Variants in CPNE4 observed in about 807,000 individuals in gnomAD.
CPNE4 encodes copine-4.
In CPNE4, 25 loss-of-function variants were observed where a neutral mutation model predicts 67.9. The observed-to-expected ratio is 0.37, with a 90% CI of 0.27 to 0.51. CPNE4 has a LOEUF of 0.51. Among genes scored for constraint, CPNE4 ranks in the 20% least tolerant of loss-of-function variants. CPNE4 has a pLI of 0.93. For synonymous variants in CPNE4, 242 were observed against 244.9 expected (o/e 0.99, Z 0.11); for missense variants, 464 against 690.8 (o/e 0.67, Z 3.68).
chr3:131,978,176 AAT>A (rs1196780381), intron 1 of CPNE4, among the ~76,000 whole-genome samples: 2 of 59,860 alleles, frequency 3.3e-5, no homozygotes, highest in South Asian at 4.1e-4. Flanking sequence ...TAAATATGTA[AAT>A]ATATATAATA....
chr3:131,797,645 A>T (rs939516372), intron 2 of CPNE4, among the ~76,000 whole-genome samples: 4 of 152,182 alleles, frequency 2.6e-5, no homozygotes, highest in Non-Finnish European at 5.9e-5. Flanking sequence ...ATAGATACAC[A>T]AGGCTGGGTT....
At chr3:131,900,020 G>T (rs1282082401) in intron 2 of CPNE4, among the ~76,000 whole-genome samples, 1 of 152,002 alleles carries the variant, frequency 6.6e-6, no homozygotes, top group Non-Finnish European at 1.5e-5. Context: ...GGGATGCTAG[G>T]TCATATGGTG....
chr3:131,554,505 C>T lies in CPNE4; in HGVS notation c.1116+992G>A, dbSNP rs1312660837. On this transcript the variant is annotated intron_variant, in intron 12 of 15. Coordinates refer to ENST00000429747, the MANE Select transcript of CPNE4 (RefSeq NM_130808.3). ...TGCTTCTAGAATTATGTAGCTATGC[C>T]CAGCAGAAAGGCCAGTGTGGAATAC... Among the ~76,000 whole-genome samples, 3 of 151,932 alleles carry T rather than the reference C, an allele frequency of 2.0e-5. No individual in the cohort carries two copies. In the East Asian group the frequency reaches 5.8e-4, roughly 29 times the overall value.
At chr3:131,751,001 G>A (rs1334891558) in intron 2 of CPNE4, among the ~76,000 whole-genome samples, 1 of 152,050 alleles carries the variant, frequency 6.6e-6, no homozygotes, top group East Asian at 1.9e-4. Flanking sequence ...GTCTTTTGAT[G>A]AGAAATCTGC....
chr3:131,910,829 C>T (rs1218117013), intron 1 of CPNE4, among the ~76,000 whole-genome samples: 1 of 152,184 alleles, frequency 6.6e-6, no homozygotes, highest in Non-Finnish European at 1.5e-5. Context: ...TGGCTGGTCT[C>T]TAGGAACCTC....
At position 131,723,585 on chromosome 3, in the gene CPNE4, A is replaced by G; in HGVS notation, c.221T>C (p.Val74Ala). The G allele has an allele frequency of 5.6e-6, 9 of 1,614,150 alleles. No homozygotes were observed. The highest frequency in any genetic ancestry group is 6.8e-6 in the Non-Finnish European group (8 of 1,179,998). The change falls in exon 3 of 16, where the codon GTG (valine) becomes GCG (alanine). Residue 74 changes from valine to alanine, a missense_variant. By Grantham distance (64) the Val-to-Ala change is moderately conservative. Coordinates refer to ENST00000429747, the MANE Select transcript of CPNE4 (RefSeq NM_130808.3). ...TEVIRTCINP[V>A]YSKLFTVDFY... is the part of the protein sequence containing the mutation. ...GTCCACAGTAAACAGTTTTGAGTAC[A>G]CTGGGTTTATGCAGGTGCGAATCAC... is the stretch of plus-strand genomic sequence containing the variant.
chr3:131,555,441 C>A, intron 12 of CPNE4, 56 bp downstream of exon 12: 1 of 1,506,870 alleles, frequency 6.6e-7, no homozygotes, highest in South Asian at 1.2e-5. Context: ...AAAGAAGAGC[C>A]AAGTTATCCT....
At chr3:131,603,336 G>A (rs1258716214) in intron 7 of CPNE4, among the ~76,000 whole-genome samples, 1 of 152,126 alleles carries the variant, frequency 6.6e-6, no homozygotes, top group Admixed American at 6.6e-5. Context: ...GGTAAAAATA[G>A]ACATTAATTA....
At chr3:131,861,597 A>T (rs1204328492) in intron 2 of CPNE4, among the ~76,000 whole-genome samples, 1 of 151,766 alleles carries the variant, frequency 6.6e-6, no homozygotes, top group Non-Finnish European at 1.5e-5. Flanking sequence ...TGCTCGGCTA[A>T]TTTTTTTGTA....
chr3:131,716,303 T>C (rs9868191), intron 3 of CPNE4, among the ~76,000 whole-genome samples: 48,102 of 151,620 alleles, frequency 0.32, 8,336 homozygotes, highest in Non-Finnish European at 0.39. Flanking sequence ...ACTTTATCTT[T>C]CCTTTAGGGC....
intron 1 of CPNE4, among the ~76,000 whole-genome samples, chr3:131,942,496 G>C (rs1025004245): frequency 1.5e-5 from 2 of 131,462 alleles, no homozygotes; most frequent in African/African-American, 3.4e-5. Flanking sequence ...GAGAGAGAGA[G>C]AGAGAGAGAG....
At chr3:131,873,190 C>G (rs1382296348) in intron 2 of CPNE4, among the ~76,000 whole-genome samples, 3 of 152,194 alleles carry the variant, frequency 2.0e-5, no homozygotes, top group Non-Finnish European at 4.4e-5. Flanking sequence ...CCATCTCAAC[C>G]TTTTCTCTTT....
intron 2 of CPNE4, among the ~76,000 whole-genome samples, chr3:131,826,252 T>G (rs1328463768): frequency 6.6e-6 from 1 of 152,130 alleles, no homozygotes; most frequent in Non-Finnish European, 1.5e-5. Flanking sequence ...TGGAGTGCAG[T>G]AGTGCAGTTT....
intron 2 of CPNE4, among the ~76,000 whole-genome samples, chr3:131,785,208 G>A (rs144404294): frequency 8.1e-4 from 123 of 152,178 alleles, no homozygotes; most frequent in African/African-American, 2.9e-3. Flanking sequence ...TTATAGCTGA[G>A]TAAACTGAGG....
chr3:131,760,874 A>G (rs1404426151), intron 2 of CPNE4, among the ~76,000 whole-genome samples: 1 of 152,184 alleles, frequency 6.6e-6, no homozygotes, highest in Non-Finnish European at 1.5e-5. Flanking sequence ...TAATTGGGTC[A>G]AAGGGATGGC....
chr3:131,853,167 A>G (rs1399641527), intron 2 of CPNE4, among the ~76,000 whole-genome samples: 2 of 151,906 alleles, frequency 1.3e-5, no homozygotes, highest in African/African-American at 2.4e-5. Context: ...ATGTGAATTC[A>G]TAAATTATGA....
intron 7 of CPNE4, among the ~76,000 whole-genome samples, chr3:131,609,329 G>A (rs983107182): frequency 1.3e-5 from 2 of 152,144 alleles, no homozygotes; most frequent in African/African-American, 2.4e-5. Context: ...TTCCAGTGTA[G>A]GGTTATTGAT....
At chr3:131,681,788 T>C (rs560882379) in intron 6 of CPNE4, among the ~76,000 whole-genome samples, 80 of 152,262 alleles carry the variant, frequency 5.3e-4, no homozygotes, top group African/African-American at 1.7e-3. Flanking sequence ...GCTATTTTCC[T>C]GATCTTGTAG....
At chr3:131,925,468 C>T (rs1456463879) in intron 1 of CPNE4, 2 of 152,140 alleles carry the variant, frequency 1.3e-5, no homozygotes, top group Non-Finnish European at 2.9e-5. Flanking sequence ...GGTATAGGCC[C>T]TCCATCTTTC....
Sources: allele counts gnomAD v4.1 joint callset (sites outside exome capture counted in the v4.1 genomes callset), GRCh38; gene constraint gnomAD v4.1.1; transcripts MANE v1.5; gene names NCBI Gene and HGNC (gene_info 2026-07-23, HGNC 2026-07-21).